The following SLC35F4 variants were observed in gnomAD, a reference collection of about 807,000 sequenced individuals.
The protein encoded by SLC35F4 is solute carrier family 35 member F4.
A neutral mutation model predicts 44.2 loss-of-function variants in SLC35F4; 24 were observed. The ratio of observed to expected loss-of-function variants is 0.54; its 90% CI spans 0.39 to 0.76. The LOEUF is 0.76. Ranked by LOEUF, SLC35F4 falls within the 30% of genes least tolerant of loss-of-function variation. The pLI, the probability that SLC35F4 is intolerant of heterozygous loss-of-function variation, is 0.00. For missense variants in SLC35F4, 562 were observed against 586.1 expected, an observed-to-expected ratio of 0.96 and a Z score of 0.42; for synonymous variants, 238 against 223.6, an observed-to-expected ratio of 1.06 and a Z score of -0.57.
intron 1 of SLC35F4, among the ~76,000 whole-genome samples, chr14:57,605,555 C>T (rs907912014): frequency 2.6e-5 from 4 of 152,092 alleles, no homozygotes; most frequent in African/African-American, 7.2e-5. Context: ...GGAGATTTCT[C>T]AGAGAACTGA....
chr14:57,598,957 GTACCCTGAAAAGGC>G (rs2070655506), intron 1 of SLC35F4, among the ~76,000 whole-genome samples: 1 of 152,040 alleles, frequency 6.6e-6, no homozygotes, highest in South Asian at 2.1e-4. Context: ...AGCATAATAT[GTACCCTGAAAAGGC>G]TGCCCTGAAA....
At chr14:57,895,890 T>C (rs1419633346) in intron 1 of SLC35F4, among the ~76,000 whole-genome samples, 1 of 152,076 alleles carries the variant, frequency 6.6e-6, no homozygotes, top group East Asian at 1.9e-4. Flanking sequence ...TACCTGGCAT[T>C]CTACTACTAA....
Position 57,701,754 on chromosome 14 carries a change from C to A in SLC35F4, c.104-107630G>T, listed in dbSNP as rs571799849. 1.4e-4 allele frequency among the ~76,000 whole-genome samples: 21 copies of A among 152,238 alleles called. No homozygotes were observed. In the South Asian group the frequency reaches 3.9e-3, roughly 29 times the overall value. On this transcript the variant is annotated intron_variant, in intron 1 of 7. Coordinates refer to ENST00000556826, the MANE Select transcript of SLC35F4 (RefSeq NM_001306087.2). ...TAAATTAGGCACAATAAGAGATTAA[C>A]AACAATAACTGATATGGAAGTCGAA...
intron 1 of SLC35F4, among the ~76,000 whole-genome samples, chr14:57,775,871 A>T (rs1424282544): frequency 1.3e-5 from 2 of 152,236 alleles, no homozygotes; most frequent in Non-Finnish European, 2.9e-5. Context: ...TCAGGAGAAC[A>T]CTGAAACCCA....
intron 1 of SLC35F4, among the ~76,000 whole-genome samples, chr14:57,899,942 G>A (rs1888964876): frequency 6.6e-6 from 1 of 152,156 alleles, no homozygotes; most frequent in South Asian, 2.1e-4. Context: ...GGGGACCCAA[G>A]TGGGTTACCA....
chr14:57,880,037 GAA>G (rs1888492051), intron 1 of SLC35F4, among the ~76,000 whole-genome samples: 782 of 2,028 alleles, frequency 0.39, 37 homozygotes, highest in East Asian at 0.53. Flanking sequence ...AAGGAGGGAG[GAA>G]GGAAGGAAGG....
At chr14:57,854,367 C>T (rs1016624030) in intron 1 of SLC35F4, among the ~76,000 whole-genome samples, 5 of 151,876 alleles carry the variant, frequency 3.3e-5, no homozygotes, top group East Asian at 1.9e-4. Flanking sequence ...CATGTAAATA[C>T]GTTTGTAACA....
chr14:57,825,790 C>T (rs1320388069), intron 1 of SLC35F4, among the ~76,000 whole-genome samples: 1 of 152,010 alleles, frequency 6.6e-6, no homozygotes, highest in South Asian at 2.1e-4. Flanking sequence ...GAATAAAATA[C>T]CTAAGAATAC....
chr14:57,965,956 G>C (rs1388485452), intron 1 of SLC35F4, among the ~76,000 whole-genome samples: 1 of 152,168 alleles, frequency 6.6e-6, no homozygotes, highest in Non-Finnish European at 1.5e-5. Context: ...AAAGGACAGA[G>C]CAGGCCTTGA....
intron 1 of SLC35F4, among the ~76,000 whole-genome samples, chr14:57,822,331 CTT>C (rs1223278325): frequency 1.3e-5 from 2 of 152,150 alleles, no homozygotes; most frequent in East Asian, 3.9e-4. Context: ...CTATGCAACA[CTT>C]AACACTAAAA....
intron 1 of SLC35F4, among the ~76,000 whole-genome samples, chr14:57,980,614 C>T (rs1005035483): frequency 5.3e-5 from 8 of 151,102 alleles, no homozygotes; most frequent in Admixed American, 1.3e-4. Flanking sequence ...TCTGACCTTT[C>T]CACCTGGTTT....
chr14:57,950,681 T>TTTTTTTTTC (rs1468978104), intron 1 of SLC35F4, among the ~76,000 whole-genome samples: 1 of 149,384 alleles, frequency 6.7e-6, no homozygotes, highest in Non-Finnish European at 1.5e-5. Flanking sequence ...CTTTCTTTTT[T>TTTTTTTTTC]TTTTTTGAGA....
At chr14:57,880,375 C>T (rs567125116) in intron 1 of SLC35F4, among the ~76,000 whole-genome samples, 50 of 152,176 alleles carry the variant, frequency 3.3e-4, no homozygotes, top group African/African-American at 9.6e-4. Flanking sequence ...TTCCAGTGGT[C>T]CCCTGGCTGT....
chr14:57,606,329 TC>T, intron 1 of SLC35F4, among the ~76,000 whole-genome samples: 1 of 135,670 alleles, frequency 7.4e-6, no homozygotes, highest in Middle Eastern at 3.9e-3. Flanking sequence ...TATATATTTC[TC>T]CAAAAACCCA....
At chr14:57,937,196 T>A (rs1362855161) in intron 1 of SLC35F4, among the ~76,000 whole-genome samples, 2 of 151,838 alleles carry the variant, frequency 1.3e-5, no homozygotes, top group African/African-American at 4.8e-5. Context: ...GTCTCCCGAG[T>A]AGCTGGGATT....
chr14:57,829,233 G>A (rs1379693408), intron 1 of SLC35F4, among the ~76,000 whole-genome samples: 4 of 152,162 alleles, frequency 2.6e-5, no homozygotes, highest in Admixed American at 2.0e-4. Flanking sequence ...AATGTAGTTA[G>A]GATTTCAGTA....
At chr14:57,889,810 T>G (rs1027812815) in intron 1 of SLC35F4, among the ~76,000 whole-genome samples, 1 of 152,224 alleles carries the variant, frequency 6.6e-6, no homozygotes, top group South Asian at 2.1e-4. Flanking sequence ...CTACTATTCT[T>G]AGTCTGTTAT....
chr14:57,643,617 A>T (rs998334060), intron 1 of SLC35F4, among the ~76,000 whole-genome samples: 31 of 151,998 alleles, frequency 2.0e-4, no homozygotes, highest in Admixed American at 1.3e-4. Context: ...CATTTTTTTT[A>T]AATTTTATTA....
rs1337528806 is a variant in SLC35F4, at chr14:57,865,884, G to GGGAGCT, written c.-65_-60dup. ...GGGCGGAGAGCGCAGCGCGGGGCCCGGGAGCTGGTGCAGGTGCCGGAGCCG... is the reference window on the plus strand; with the variant it reads ...GGGCGGAGAGCGCAGCGCGGGGCCCGGGAGCTGGAGCTGGTGCAGGTGCCGGAGCCG... On this transcript the variant is annotated 5_prime_UTR_variant, in exon 1 of 8. Transcript: ENST00000556826. 7.8e-7 allele frequency: 1 copy of GGGAGCT among 1,277,784 alleles called. No homozygotes were observed. Among genetic ancestry groups the GGGAGCT allele is most frequent in the Non-Finnish European group, 1.1e-6 (1 of 950,608 alleles). 79.2% of individuals were successfully genotyped at this position (1,277,784 alleles called of 1,614,324 possible).
Sources: gnomAD v4.1 joint callset for allele counts (sites outside exome capture counted in the v4.1 genomes callset) on GRCh38, gnomAD v4.1.1 for gene constraint, MANE v1.5 for transcripts, NCBI Gene and HGNC (gene_info 2026-07-23, HGNC 2026-07-21) for gene names.